The following STAB2 variants were observed in gnomAD, a reference collection of about 807,000 sequenced individuals.
STAB2 encodes the protein stabilin-2.
STAB2 carries 288 observed loss-of-function variants against 338.1 expected under a neutral mutation model. That is an observed-to-expected ratio of 0.85 (90% CI 0.77 to 0.94). The LOEUF (loss-of-function observed/expected upper bound fraction) is 0.94. Ranked by LOEUF, STAB2 falls within the 40% of genes least tolerant of loss-of-function variation. The probability of loss-of-function intolerance (pLI) is 0.00; values close to 1 mark genes in which losing one functional copy is unlikely to be tolerated. For synonymous variants in STAB2, 1,202 were observed against 1,193.3 expected (o/e 1.01, Z -0.15); for missense variants, 3,141 against 3,210.1 (o/e 0.98, Z 0.52).
At chr12:103,725,195 C>A (rs554500894) in intron 45 of STAB2, 101 bp downstream of exon 45, 23 of 1,496,502 alleles carry the variant, frequency 1.5e-5, no homozygotes, top group Non-Finnish European at 1.9e-5. Flanking sequence ...AAATGTAAAG[C>A]GCTATAAAAA....
chr12:103,664,521 A>G (rs1490280244), intron 18 of STAB2, among the ~76,000 whole-genome samples: 1 of 152,262 alleles, frequency 6.6e-6, no homozygotes, highest in Non-Finnish European at 1.5e-5. Flanking sequence ...CATGGAAAAC[A>G]TAACCCCAAG....
At chr12:103,594,263 A>T (rs1414220505) in intron 2 of STAB2, 132 bp from the exon 3 acceptor site, 2 of 634,144 alleles carry the variant, frequency 3.2e-6, no homozygotes, top group African/African-American at 3.6e-5. Flanking sequence ...TAGAAAGCCA[A>T]ATGTGTTCCA....
chr12:103,590,871 TG>T (rs1205823309), intron 1 of STAB2, 25 bp from the exon 2 acceptor site: 1 of 1,613,704 alleles, frequency 6.2e-7, no homozygotes, highest in Non-Finnish European at 8.5e-7. Context: ...CAGGAATTAA[TG>T]TTCTTTTTTT....
At chr12:103,677,172 T>G (rs1780631531) in intron 24 of STAB2, among the ~76,000 whole-genome samples, 1 of 152,194 alleles carries the variant, frequency 6.6e-6, no homozygotes, top group African/African-American at 2.4e-5. Context: ...TAACAATACT[T>G]TCCTCAAGAT....
Position 103,735,521 on chromosome 12 carries a change from G to T in STAB2, c.5491G>T (p.Ala1831Ser). 3 of 1,611,720 alleles carry T rather than the reference G, an allele frequency of 1.9e-6. No homozygotes were observed. The highest frequency in any genetic ancestry group is 2.5e-6 in the Non-Finnish European group (3 of 1,179,224). ...VLAVDLPTST[A>S]WKTLQGSELS... ...AGCTGTGGATCTTCCCACATCCACT[G>T]CCTGGAAGACCCTGCAAGGTTCAGA... Residue 1831 changes from alanine to serine, a missense_variant, in exon 52 of 69, where the codon GCC becomes TCC. Coordinates refer to ENST00000388887, the MANE Select transcript of STAB2 (RefSeq NM_017564.10).
At chr12:103,741,022 G>T (rs1593310711) in intron 55 of STAB2, among the ~76,000 whole-genome samples, 1 of 152,068 alleles carries the variant, frequency 6.6e-6, no homozygotes, top group African/African-American at 2.4e-5. Context: ...TTATTATGGT[G>T]CTAAATACAC....
At chr12:103,722,233 A>G (rs74416654) in intron 44 of STAB2, among the ~76,000 whole-genome samples, 3,734 of 152,312 alleles carry the variant, frequency 0.025, 159 homozygotes, top group African/African-American at 0.086. Context: ...GTACTTACGG[A>G]GAAGCCTCAG....
In STAB2 at chr12:103,654,674, A is replaced by G. The variant is rs764128691; in HGVS notation, c.1527A>G (p.Glu509=). The G allele has an allele frequency of 1.2e-6, 2 of 1,614,104 alleles. No individual in the cohort carries two copies. Among genetic ancestry groups the G allele is most frequent in the East Asian group, 4.5e-5 (2 of 44,886 alleles). ...TTGACAGAGCCATGGACAAGTTAGAACCCACATTTGAGAGCAACAATGAGG... is the reference window on the plus strand; with the variant it reads ...TTGACAGAGCCATGGACAAGTTAGAGCCCACATTTGAGAGCAACAATGAGG... The part of the protein sequence containing the change: ...HILDRAMDKL[E]PTFESNNEQT... The change falls in exon 13 of 69, where the codon GAA becomes GAG. Residue 509 remains glutamate, a synonymous_variant. Transcript: ENST00000388887.
chr12:103,741,075 T>C (rs541007510), intron 55 of STAB2, among the ~76,000 whole-genome samples: 1 of 152,316 alleles, frequency 6.6e-6, no homozygotes, highest in Admixed American at 6.5e-5. Flanking sequence ...TTCCATGATA[T>C]TGATAAGCAT....
intron 33 of STAB2, among the ~76,000 whole-genome samples, chr12:103,698,147 C>T (rs763636176): frequency 2.6e-5 from 4 of 152,174 alleles, no homozygotes. Flanking sequence ...AGCCCTCTGA[C>T]TGTCTAGAGC....
intron 34 of STAB2, among the ~76,000 whole-genome samples, chr12:103,700,424 CAAGT>C (rs1315747586): frequency 1.3e-5 from 2 of 152,096 alleles, no homozygotes; most frequent in Non-Finnish European, 2.9e-5. Flanking sequence ...TACTGAATAA[CAAGT>C]AAATTTTTAT....
rs200452873 is a variant in STAB2 at position 103,662,915 on chromosome 12, A to G, written c.1939A>G (p.Thr647Ala). The change falls in exon 18 of 69, where the codon ACA becomes GCA. Residue 647 changes from threonine (T) to alanine (A), a missense_variant. Physicochemically the swap from Thr to Ala is moderately conservative, Grantham distance 58 (BLOSUM62 0). Transcript: ENST00000388887. ...EITAKNGRIY[T>A]LTGVLIPPSI... Reference sequence around the variant, plus strand: ...CACTGCCAAAAATGGCCGAATTTACACACTGACAGGAGTTCTCATTCCTCC... The same window carrying G: ...CACTGCCAAAAATGGCCGAATTTACGCACTGACAGGAGTTCTCATTCCTCC... 8.7e-6 allele frequency: 14 copies of G among 1,614,216 alleles called. No homozygotes were observed. The Admixed American group carries it at 2.0e-4, about 23-fold the overall frequency.
At chr12:103,662,388 G>T (rs895092590) in intron 17 of STAB2, among the ~76,000 whole-genome samples, 16 of 152,116 alleles carry the variant, frequency 1.1e-4, no homozygotes, top group African/African-American at 3.9e-4. Flanking sequence ...TTGCTAATTG[G>T]TTCATTTTCT....
In STAB2 at chr12:103,669,957, C is replaced by G. The variant is rs536517893; in HGVS notation, c.2259+330C>G. Among the ~76,000 whole-genome samples, 15 of 152,300 alleles carry G rather than the reference C, an allele frequency of 9.8e-5. No homozygotes were observed. The South Asian group carries it at 3.1e-3, about 32-fold the overall frequency. ...TTGATCTTCAAGACTCCTTCCAGAA[C>G]TAAGATTTTATGATAGTTAAAAAAT... On this transcript the variant is annotated intron_variant, in intron 21 of 68. Transcript: ENST00000388887.
intron 15 of STAB2, among the ~76,000 whole-genome samples, chr12:103,659,463 G>A (rs942758551): frequency 6.6e-6 from 1 of 152,178 alleles, no homozygotes; most frequent in African/African-American, 2.4e-5. Context: ...CTTGATTTGT[G>A]ATCCTTCACT....
chr12:103,765,086 C>CA (rs56002429), intron 68 of STAB2, among the ~76,000 whole-genome samples: 3,279 of 66,356 alleles, frequency 0.049, 137 homozygotes, highest in East Asian at 0.18. Context: ...GACTCTGTCT[C>CA]AAAAAAAAAA....
chr12:103,755,566 G>A (rs1430595370), intron 62 of STAB2, 46 bp from the exon 63 acceptor site: 4 of 1,612,442 alleles, frequency 2.5e-6, no homozygotes, highest in Non-Finnish European at 3.4e-6. Flanking sequence ...TGCAGCCCTG[G>A]CCCCTGCCTT....
In STAB2 at chr12:103,733,220, C is replaced by T. The variant is rs756043920; in HGVS notation, c.5460+38C>T. 2.5e-6 allele frequency: 4 copies of T among 1,600,652 alleles called. No homozygotes were observed. The South Asian group carries it at 3.4e-5, about 14-fold the overall frequency. On this transcript the variant is annotated intron_variant, in intron 51 of 68. Transcript: ENST00000388887. The stretch of plus-strand genomic sequence containing the variant: ...CATGCAGACATAAGTGCAAGAATGT[C>T]CCAGGGTGGTGATAAAATTCAGCAC...
chr12:103,637,478 T>G (rs79588720), intron 7 of STAB2, among the ~76,000 whole-genome samples: 2,103 of 152,340 alleles, frequency 0.014, 45 homozygotes, highest in African/African-American at 0.048. Flanking sequence ...TGTTAGAACA[T>G]TTAATGCTTC....
Sources: allele counts gnomAD v4.1 joint callset (sites outside exome capture counted in the v4.1 genomes callset), GRCh38; gene constraint gnomAD v4.1.1; transcripts MANE v1.5; gene names NCBI Gene and HGNC (gene_info 2026-07-23, HGNC 2026-07-21).